ITSN1: variants seen among roughly 807,000 people sequenced by gnomAD.
The protein encoded by ITSN1 is intersectin 1.
A neutral mutation model predicts 239.8 loss-of-function variants in ITSN1; 58 were observed. The observed-to-expected ratio is 0.24, with a 90% CI of 0.20 to 0.30. The LOEUF is 0.30. Among genes scored for constraint, ITSN1 ranks in the 10% least tolerant of loss-of-function variants. The pLI, the probability that ITSN1 is intolerant of heterozygous loss-of-function variation, is 1.00. For synonymous variants in ITSN1, 780 were observed against 770.8 expected (o/e 1.01, Z -0.20); for missense variants, 1,558 against 2,103.3 (o/e 0.74, Z 5.07).
chr21:33,761,279 C>T (rs1406783933), intron 8 of ITSN1, among the ~76,000 whole-genome samples: 1 of 152,062 alleles, frequency 6.6e-6, no homozygotes, highest in East Asian at 1.9e-4. Context: ...GTTTTGCCAT[C>T]TGGTCTTGAA....
intron 1 of ITSN1, among the ~76,000 whole-genome samples, chr21:33,704,771 G>T (rs1024524083): frequency 2.6e-5 from 4 of 151,832 alleles, no homozygotes; most frequent in African/African-American, 9.7e-5. Context: ...ATTTGAATGA[G>T]ATAAGGACCT....
At chr21:33,657,366 C>T (rs2089180445) in intron 1 of ITSN1, among the ~76,000 whole-genome samples, 1 of 152,204 alleles carries the variant, frequency 6.6e-6, no homozygotes, top group Non-Finnish European at 1.5e-5. Flanking sequence ...GCTGTGACCT[C>T]AGCATGGGTC....
Position 33,893,702 on chromosome 21 carries a change from C to A in ITSN1, c.*5402C>A, listed in dbSNP as rs1478945566. The A allele has an allele frequency of 6.6e-6, 1 of 152,190 alleles. No individual in the cohort carries two copies. Among genetic ancestry groups the A allele is most frequent in the African/African-American group, 2.4e-5 (1 of 41,412 alleles). The allele number at this position is 152,190 out of a possible 1,614,324, so 9.4% of individuals were successfully genotyped here. On this transcript the variant is annotated 3_prime_UTR_variant, in exon 40 of 40. Coordinates refer to ENST00000381318, the MANE Select transcript of ITSN1 (RefSeq NM_003024.3). ...CCACAGCTTCCTCTGGATCCTGCTTCTTTGTACTTGGAACACAGTTTATTT... is the reference window on the plus strand; with the variant it reads ...CCACAGCTTCCTCTGGATCCTGCTTATTTGTACTTGGAACACAGTTTATTT...
At position 33,830,738 on chromosome 21, in the gene ITSN1, T is replaced by C. The variant is rs562730822; in HGVS notation, c.3351+993T>C. Among the ~76,000 whole-genome samples the C allele has an allele frequency of 2.0e-5, 3 of 152,362 alleles. No individual in the cohort carries two copies. In the East Asian group the frequency reaches 5.8e-4, roughly 29 times the overall value. On this transcript the variant is annotated intron_variant, in intron 27 of 39. Coordinates refer to ENST00000381318, the MANE Select transcript of ITSN1 (RefSeq NM_003024.3). ...TGGACACTACATTAGACAAAATTAC[T>C]GTACCAGTGTAAAATTTACAGAAAG...
intron 1 of ITSN1, among the ~76,000 whole-genome samples, chr21:33,684,968 A>C (rs2091165953): frequency 1.3e-5 from 2 of 152,188 alleles, no homozygotes; most frequent in African/African-American, 4.8e-5. Context: ...TTTATTATGA[A>C]AAATTTCAAC....
chr21:33,819,817 C>T (rs1438682615), intron 24 of ITSN1, among the ~76,000 whole-genome samples: 3 of 151,604 alleles, frequency 2.0e-5, no homozygotes, highest in Admixed American at 6.6e-5. Context: ...CCCGTCTCTA[C>T]TAAAAATACA....
At chr21:33,720,952 C>G (rs1054956835) in intron 2 of ITSN1, among the ~76,000 whole-genome samples, 3 of 152,142 alleles carry the variant, frequency 2.0e-5, no homozygotes, top group East Asian at 1.9e-4. Context: ...TGTGCCTCTT[C>G]TTTTCTTTCC....
intron 1 of ITSN1, among the ~76,000 whole-genome samples, chr21:33,667,509 G>A (rs1253486822): frequency 6.6e-6 from 1 of 152,130 alleles, no homozygotes; most frequent in African/African-American, 2.4e-5. Context: ...TGCTTCAGAG[G>A]TTACTAGATT....
chr21:33,666,462 TA>T (rs1218263866), intron 1 of ITSN1, among the ~76,000 whole-genome samples: 1 of 107,496 alleles, frequency 9.3e-6, no homozygotes, highest in Non-Finnish European at 1.8e-5. Context: ...TGCTGCAATT[TA>T]AAAAAAATAA....
intron 1 of ITSN1, among the ~76,000 whole-genome samples, chr21:33,693,847 G>A (rs550323282): frequency 3.3e-5 from 5 of 152,308 alleles, no homozygotes; most frequent in East Asian, 1.9e-4. Context: ...CAATGTGTAC[G>A]AAAGGAGTAA....
chr21:33,709,983 G>A (rs189738006), intron 1 of ITSN1, among the ~76,000 whole-genome samples: 213 of 151,786 alleles, frequency 1.4e-3, no homozygotes, highest in South Asian at 2.7e-3. Flanking sequence ...GTCTTTAACC[G>A]TTAACTGTGA....
chr21:33,649,991 T>TA, intron 1 of ITSN1, among the ~76,000 whole-genome samples: 1 of 144,214 alleles, frequency 6.9e-6, no homozygotes, highest in African/African-American at 2.6e-5. Context: ...ATCGCACCAT[T>TA]ACACTCCAGC....
intron 31 of ITSN1, among the ~76,000 whole-genome samples, chr21:33,859,731 A>G (rs1980099925): frequency 6.6e-6 from 1 of 152,046 alleles, no homozygotes; most frequent in Admixed American, 6.6e-5. Context: ...TGTGTTTGGG[A>G]GTGGATGGAG....
rs182327526 is a variant in ITSN1 at position 33,783,214 on chromosome 21, A to G, written c.1824+1081A>G. 1.3e-3 allele frequency among the ~76,000 whole-genome samples: 199 copies of G among 152,294 alleles called. 1 individual carries two copies. Among genetic ancestry groups the G allele is most frequent in the African/African-American group, 4.4e-3 (184 of 41,558 alleles). ...CTAACATAAAATTCTTTTTAAGCCA[A>G]TTCAGCTTTTGACAGTGGGAAGAAG... On this transcript the variant is annotated intron_variant, in intron 16 of 39. Coordinates refer to ENST00000381318, the MANE Select transcript of ITSN1 (RefSeq NM_003024.3).
At chr21:33,687,253 T>C (rs1383906588) in intron 1 of ITSN1, among the ~76,000 whole-genome samples, 1 of 151,370 alleles carries the variant, frequency 6.6e-6, no homozygotes, top group East Asian at 1.9e-4. Context: ...AAAAAATTAT[T>C]TGGGCTTGGT....
At chr21:33,799,656 A>AG (rs1190986647) in intron 18 of ITSN1, 152 bp from the exon 19 acceptor site, 2 of 768,476 alleles carry the variant, frequency 2.6e-6, no homozygotes, top group Admixed American at 3.0e-5. Context: ...TTTGGCATTC[A>AG]GTATGTGTTT....
chr21:33,701,376 C>T lies in ITSN1; in HGVS notation c.-32-17421C>T, dbSNP rs542271350. On this transcript the variant is annotated intron_variant, in intron 1 of 39. Transcript: ENST00000381318. ...CTAGACTCAAGTGATCTCCCTGCTT[C>T]GGCCTCCAAAAGTGCTGGGATTACA... Among the ~76,000 whole-genome samples, 8 of 152,210 alleles carry T rather than the reference C, an allele frequency of 5.3e-5. No homozygotes were observed. In the South Asian group the frequency reaches 1.0e-3, roughly 20 times the overall value.
chr21:33,814,897 A>C (rs1384325935), intron 22 of ITSN1, among the ~76,000 whole-genome samples: 2 of 152,204 alleles, frequency 1.3e-5, no homozygotes, highest in Non-Finnish European at 2.9e-5. Context: ...AGAGGCGAGC[A>C]CGTGGGAGAG....
chr21:33,722,525 A>C, intron 3 of ITSN1, 63 bp from the exon 4 acceptor site: 2 of 1,516,820 alleles, frequency 1.3e-6, no homozygotes, highest in Non-Finnish European at 1.8e-6. Context: ...TTGCTATTAC[A>C]GGATTTCTGT....
Sources: allele counts gnomAD v4.1 joint callset (sites outside exome capture counted in the v4.1 genomes callset), GRCh38; gene constraint gnomAD v4.1.1; transcripts MANE v1.5; gene names NCBI Gene and HGNC (gene_info 2026-07-23, HGNC 2026-07-21).